NRXN3: variants seen among roughly 807,000 people sequenced by gnomAD.
NRXN3 encodes the protein neurexin 3.
Under a neutral mutation model 137.6 loss-of-function variants are expected in NRXN3, and 32 were observed. The observed-to-expected ratio is 0.23, with a 90% CI of 0.18 to 0.31. The LOEUF (loss-of-function observed/expected upper bound fraction) is 0.31. NRXN3 is among the 10% of genes least tolerant of loss of function. NRXN3 has a pLI of 1.00. For synonymous variants in NRXN3, 798 were observed against 784.5 expected (o/e 1.02, Z -0.29); for missense variants, 1,574 against 2,062.5 (o/e 0.76, Z 4.59).
At chr14:79,350,605 G>A (rs1347120819) in intron 15 of NRXN3, among the ~76,000 whole-genome samples, 1 of 152,164 alleles carries the variant, frequency 6.6e-6, no homozygotes, top group African/African-American at 2.4e-5. Context: ...GGAGGAAAGG[G>A]TGTGTGTTTT....
intron 10 of NRXN3, among the ~76,000 whole-genome samples, chr14:78,908,507 C>A (rs894474827): frequency 7.2e-5 from 11 of 152,002 alleles, no homozygotes. Context: ...GTTCTCATAG[C>A]AATTATAATT....
chr14:78,289,870 T>C (rs2075620190), intron 3 of NRXN3, among the ~76,000 whole-genome samples: 1 of 152,128 alleles, frequency 6.6e-6, no homozygotes, highest in Admixed American at 6.5e-5. Context: ...GCTGAGATTG[T>C]GCCACTGCAC....
At chr14:79,413,771 T>C (rs2095454714) in intron 15 of NRXN3, among the ~76,000 whole-genome samples, 1 of 151,770 alleles carries the variant, frequency 6.6e-6, no homozygotes, top group South Asian at 2.1e-4. Flanking sequence ...CTTTTTGGTT[T>C]TGTTGGAGTG....
Position 78,928,650 on chromosome 14 carries a change from A to G in NRXN3, c.2276-28592A>G, listed in dbSNP as rs532193738. Among the ~76,000 whole-genome samples, 270 of 152,250 alleles carry G rather than the reference A, an allele frequency of 1.8e-3. 1 individual carries two copies. The highest frequency in any genetic ancestry group is 5.9e-3 in the African/African-American group (244 of 41,570). ...TGAACTCATCCTTTTTTATGGCTGC[A>G]TAGTATTCCATGGTGTTTGTGTGCC... On this transcript the variant is annotated intron_variant, in intron 10 of 20. Transcript: ENST00000335750.
In NRXN3 at chr14:78,458,567, CTATT is replaced by C. The variant is rs1370330610; in HGVS notation, c.757+160711_757+160714del. On this transcript the variant is annotated intron_variant, in intron 4 of 20. Transcript: ENST00000335750. Reference sequence around the variant, plus strand: ...TTTCTACTTTTGTGAATCTGTGTATCTATTTATATCTTTATCTGTCTCTAAGTTG... The same window carrying C: ...TTTCTACTTTTGTGAATCTGTGTATCTATATCTTTATCTGTCTCTAAGTTG... 3.3e-5 allele frequency among the ~76,000 whole-genome samples: 5 copies of C among 152,126 alleles called. No individual in the cohort carries two copies. The East Asian group carries it at 7.7e-4, about 23-fold the overall frequency.
At chr14:79,426,707 G>A (rs938418784) in intron 15 of NRXN3, among the ~76,000 whole-genome samples, 1 of 152,218 alleles carries the variant, frequency 6.6e-6, no homozygotes, top group Non-Finnish European at 1.5e-5. Flanking sequence ...TGACTAGTGT[G>A]TAGGTGTTGA....
intron 19 of NRXN3, among the ~76,000 whole-genome samples, chr14:79,752,871 G>A (rs1162092700): frequency 2.0e-4 from 31 of 151,496 alleles, no homozygotes; most frequent in Non-Finnish European, 3.7e-4. Flanking sequence ...CAAATTTACA[G>A]GAAAAAAAAC....
intron 2 of NRXN3, among the ~76,000 whole-genome samples, chr14:78,252,397 TA>T (rs1667297945): frequency 6.6e-6 from 1 of 152,218 alleles, no homozygotes; most frequent in Admixed American, 6.5e-5. Flanking sequence ...GTAGGCAATG[TA>T]AAGCTCCTGG....
At chr14:79,720,061 A>G (rs1164922845) in intron 19 of NRXN3, among the ~76,000 whole-genome samples, 1 of 152,124 alleles carries the variant, frequency 6.6e-6, no homozygotes, top group Non-Finnish European at 1.5e-5. Context: ...CACTGCTAAT[A>G]AAGACATACC....
At position 78,494,510 on chromosome 14, in the gene NRXN3, C is replaced by G. The variant is rs146181110; in HGVS notation, c.758-150610C>G. ...CTGAGTCACCAGAACTGGGGTTTCA[C>G]AAATGAATGGTCTCGCTGTAACCTA... On this transcript the variant is annotated intron_variant, in intron 4 of 20. Transcript: ENST00000335750. Among the ~76,000 whole-genome samples the G allele has an allele frequency of 3.4e-5, 5 of 146,276 alleles. No individual in the cohort carries two copies. In the East Asian group the frequency reaches 1.1e-3, roughly 31 times the overall value.
At chr14:78,979,590 A>C (rs2099483546) in intron 14 of NRXN3, among the ~76,000 whole-genome samples, 1 of 152,198 alleles carries the variant, frequency 6.6e-6, no homozygotes, top group African/African-American at 2.4e-5. Context: ...GGGGTAGAAA[A>C]TTAAACTAAA....
intron 15 of NRXN3, among the ~76,000 whole-genome samples, chr14:79,241,558 C>T (rs553327552): frequency 5.3e-5 from 8 of 152,172 alleles, no homozygotes; most frequent in Non-Finnish European, 1.0e-4. Flanking sequence ...GGGAAACTGC[C>T]CCCATGATTC....
At chr14:79,838,253 C>T (rs2099348479) in intron 20 of NRXN3, among the ~76,000 whole-genome samples, 1 of 152,068 alleles carries the variant, frequency 6.6e-6, no homozygotes, top group Non-Finnish European at 1.5e-5. Context: ...TGGCTAACAG[C>T]ATTGAAATAA....
At position 79,735,344 on chromosome 14, in the gene NRXN3, AT is replaced by A. The variant is rs569667726; in HGVS notation, c.4014+37413del. ...AGTTGTCAATTGTTACGCAAGACTA[AT>A]TTTTTCCACAGCAAAAAATAAAGCT... On this transcript the variant is annotated intron_variant, in intron 19 of 20. Transcript: ENST00000335750. 1.6e-3 allele frequency among the ~76,000 whole-genome samples: 244 copies of A among 152,284 alleles called. 1 individual carries two copies. Among genetic ancestry groups the A allele is most frequent in the African/African-American group, 5.8e-3 (239 of 41,560 alleles).
intron 4 of NRXN3, among the ~76,000 whole-genome samples, chr14:78,472,470 C>T (rs1036126931): frequency 1.3e-5 from 2 of 152,280 alleles, no homozygotes; most frequent in Middle Eastern, 3.4e-3. Context: ...AAAATTGGTT[C>T]TACCCTCCTG....
chr14:78,224,573 G>A (rs946554040), intron 1 of NRXN3, among the ~76,000 whole-genome samples: 1 of 151,846 alleles, frequency 6.6e-6, no homozygotes, highest in Admixed American at 6.6e-5. Context: ...ATGATTTCCA[G>A]TTTCATCCAT....
intron 19 of NRXN3, among the ~76,000 whole-genome samples, chr14:79,709,281 G>A (rs1021049622): frequency 6.6e-6 from 1 of 151,970 alleles, no homozygotes; most frequent in Admixed American, 6.6e-5. Context: ...TCTTCCAAAT[G>A]GTCTTCCCAA....
Position 79,761,565 on chromosome 14 carries a change from C to T in NRXN3, c.4015-43547C>T, listed in dbSNP as rs143966755. 4.8e-3 allele frequency among the ~76,000 whole-genome samples: 719 copies of T among 150,632 alleles called. 26 individuals are homozygous for T. The highest frequency in any genetic ancestry group is 0.016 in the African/African-American group (650 of 40,440). On this transcript the variant is annotated intron_variant, in intron 19 of 20. Transcript: ENST00000335750. ...AAAATTAGCTGGGCGTGGTGGCAGGCGCCTGTAGTCTCAGCTACTCGGGAG... is the reference window on the plus strand; with the variant it reads ...AAAATTAGCTGGGCGTGGTGGCAGGTGCCTGTAGTCTCAGCTACTCGGGAG...
At chr14:78,655,414 A>G (rs2097776770) in intron 6 of NRXN3, among the ~76,000 whole-genome samples, 1 of 152,228 alleles carries the variant, frequency 6.6e-6, no homozygotes, top group Non-Finnish European at 1.5e-5. Flanking sequence ...TTCTCATATT[A>G]GCAAATCATT....
Sources: allele counts gnomAD v4.1 joint callset (sites outside exome capture counted in the v4.1 genomes callset), GRCh38; gene constraint gnomAD v4.1.1; transcripts MANE v1.5; gene names NCBI Gene and HGNC (gene_info 2026-07-23, HGNC 2026-07-21).